Variants in TEX48 observed in about 807,000 individuals in gnomAD.
TEX48 encodes the protein testis expressed 48.
Under a neutral mutation model 13.2 loss-of-function variants are expected in TEX48, and 10 were observed. That is an observed-to-expected ratio of 0.75 (90% confidence interval 0.47 to 1.28). TEX48 has a LOEUF of 1.28. Among genes scored for constraint, TEX48 ranks in the 50% most tolerant of loss-of-function variants. TEX48 has a pLI of 0.00. For synonymous variants in TEX48, 45 were observed against 52.3 expected (o/e 0.86, Z 0.60); for missense variants, 116 against 139.4 (o/e 0.83, Z 0.84).
chr9:114,679,920 A>T (rs1341739046), intron 1 of TEX48, among the ~76,000 whole-genome samples: 1 of 152,092 alleles, frequency 6.6e-6, no homozygotes, highest in Non-Finnish European at 1.5e-5. Context: ...GTTTTATTTT[A>T]GCTAATTAGG....
chr9:114,668,601 A>T (rs1475926147), intron 3 of TEX48, among the ~76,000 whole-genome samples: 1 of 152,206 alleles, frequency 6.6e-6, no homozygotes, highest in Non-Finnish European at 1.5e-5. Flanking sequence ...CATGCATAGA[A>T]TGTGTAATGA....
chr9:114,674,839 ATTCT>A (rs1480080665), intron 1 of TEX48, among the ~76,000 whole-genome samples: 2 of 105,392 alleles, frequency 1.9e-5, no homozygotes, highest in African/African-American at 8.1e-5. Flanking sequence ...TGTCCAGCAA[ATTCT>A]TTTTTTTTTT....
At chr9:114,667,730 T>C (rs116003220) in intron 4 of TEX48, among the ~76,000 whole-genome samples, 19,593 of 151,910 alleles carry the variant, frequency 0.13, 1,463 homozygotes, top group South Asian at 0.25. Context: ...GAAACCCTTT[T>C]TCTACTAAGA....
At chr9:114,674,652 TC>T (rs772156985) in intron 1 of TEX48, among the ~76,000 whole-genome samples, 12,228 of 113,380 alleles carry the variant, frequency 0.11, 1,443 homozygotes, top group African/African-American at 0.17. Flanking sequence ...CTTCCTTCCT[TC>T]CTTCCTTCCT....
chr9:114,666,543 T>C lies in TEX48; in HGVS notation c.*100A>G, dbSNP rs1827844596. 1.5e-6 allele frequency: 1 copy of C among 661,564 alleles called. No homozygotes were observed. The highest frequency in any genetic ancestry group is 2.0e-5 in the South Asian group (1 of 50,652). 41.0% of individuals were successfully genotyped at this position (661,564 alleles called of 1,614,324 possible). ...CAAGGATGGCTCAGATGTCTTCTCC[T>C]CCTTCAGGGGAGTTTCCGAATTAGT... On this transcript the variant is annotated 3_prime_UTR_variant, in exon 5 of 5. Transcript: ENST00000436752.
chr9:114,680,514 A>G (rs1221222901), intron 1 of TEX48, among the ~76,000 whole-genome samples: 6 of 152,188 alleles, frequency 3.9e-5, no homozygotes, highest in Admixed American at 3.9e-4. Context: ...AAATGGTGAA[A>G]CAAATGATTC....
chr9:114,673,661 T>C (rs1310601049), intron 1 of TEX48, among the ~76,000 whole-genome samples: 1 of 151,936 alleles, frequency 6.6e-6, no homozygotes, highest in Non-Finnish European at 1.5e-5. Flanking sequence ...CATTATAAGA[T>C]AAACAAAAAT....
intron 1 of TEX48, among the ~76,000 whole-genome samples, chr9:114,680,003 G>A (rs916555695): frequency 7.2e-5 from 11 of 151,956 alleles, no homozygotes; most frequent in Non-Finnish European, 1.5e-4. Context: ...CTATAGCTAA[G>A]CCCAAAGAAA....
At chr9:114,679,475 C>T (rs1054428411) in intron 1 of TEX48, among the ~76,000 whole-genome samples, 3 of 152,024 alleles carry the variant, frequency 2.0e-5, no homozygotes, top group Non-Finnish European at 1.5e-5. Context: ...CTGAGGAGAA[C>T]TTTGCACTTA....
Position 114,666,615 on chromosome 9 carries a change from G to A in TEX48, c.*28C>T, listed in dbSNP as rs972548176. The A allele has an allele frequency of 2.0e-4, 266 of 1,327,578 alleles. 1 individual carries two copies. The highest frequency in any genetic ancestry group is 6.5e-5 in the South Asian group (5 of 77,356). 82.2% of individuals were successfully genotyped at this position (1,327,578 alleles called of 1,614,324 possible). A position where few individuals can be genotyped will look rare whatever the true frequency, so the allele number is the denominator to read the frequency against. On this transcript the variant is annotated 3_prime_UTR_variant, in exon 5 of 5. Transcript: ENST00000436752. ...CCCTCTTCCTCATGGAGATGCCCCA[G>A]CAGCTGTGCAGCCGCCGGCTAGAAT... is the stretch of plus-strand genomic sequence containing the variant.
chr9:114,681,219 G>A (rs955942381), intron 1 of TEX48, among the ~76,000 whole-genome samples: 1 of 151,920 alleles, frequency 6.6e-6, no homozygotes, highest in Non-Finnish European at 1.5e-5. Flanking sequence ...GCAGCGATCT[G>A]AAGCGCAGGT....
chr9:114,666,589 G>T lies in TEX48; in HGVS notation c.*54C>A. 1 of 1,019,948 alleles carries T rather than the reference G, an allele frequency of 9.8e-7. No homozygotes were observed. The highest frequency in any genetic ancestry group is 1.4e-6 in the Non-Finnish European group (1 of 702,912). The allele number at this position is 1,019,948 out of a possible 1,614,324, so 63.2% of individuals were successfully genotyped here. On this transcript the variant is annotated 3_prime_UTR_variant, in exon 5 of 5. Coordinates refer to ENST00000436752, the MANE Select transcript of TEX48 (RefSeq NM_001199233.2). The stretch of plus-strand genomic sequence containing the variant: ...TTAGTCTTCATGACTCCTGTCCACC[G>T]CCCTCTTCCTCATGGAGATGCCCCA...
intron 1 of TEX48, 30 bp from the exon 2 acceptor site, chr9:114,671,857 A>T: frequency 1.0e-6 from 1 of 974,372 alleles, no homozygotes; most frequent in Non-Finnish European, 1.6e-6. Context: ...TGGCTGAAAA[A>T]TGCTAGTCCT....
intron 1 of TEX48, among the ~76,000 whole-genome samples, chr9:114,675,680 C>G (rs1039097656): frequency 6.6e-6 from 1 of 152,214 alleles, no homozygotes; most frequent in South Asian, 2.1e-4. Context: ...AATCCTATCT[C>G]TCTTCTGCCC....
At chr9:114,667,301 G>T (rs1233427371) in intron 4 of TEX48, among the ~76,000 whole-genome samples, 3 of 152,196 alleles carry the variant, frequency 2.0e-5, no homozygotes, top group African/African-American at 7.2e-5. Context: ...TCCTGGGGTG[G>T]TTGTGAGTTA....
intron 1 of TEX48, among the ~76,000 whole-genome samples, chr9:114,674,669 CT>C (rs1828028690): frequency 7.2e-6 from 1 of 138,030 alleles, no homozygotes; most frequent in Non-Finnish European, 1.5e-5. Context: ...TTCCTTCCTT[CT>C]TTCCTTCTCT....
chr9:114,668,217 C>T lies in TEX48; in HGVS notation c.248G>A (p.Ser83Asn), dbSNP rs1043545448. The T allele has an allele frequency of 1.6e-5, 24 of 1,535,574 alleles. No individual in the cohort carries two copies. In the African/African-American group the frequency reaches 2.9e-4, roughly 18 times the overall value. ...QTKKSTSSSS[S>N]EFEDLNAYAS... ...AATTTGGGACTCACCCTCAAACTCA[C>T]TGCTGCTGGAGGAAGTGCTCTTTTT... Residue 83 changes from serine (S) to asparagine (N), a missense_variant, in exon 4 of 5, where the codon AGT (serine) becomes AAT (asparagine). Transcript: ENST00000436752.
chr9:114,671,326 GA>G, intron 3 of TEX48, 56 bp downstream of exon 3: 1 of 1,523,070 alleles, frequency 6.6e-7, no homozygotes, highest in South Asian at 1.2e-5. Flanking sequence ...AGCAGGCAGA[GA>G]GTGAGCAAAG....
At chr9:114,667,696 C>G (rs1370367733) in intron 4 of TEX48, among the ~76,000 whole-genome samples, 1 of 152,010 alleles carries the variant, frequency 6.6e-6, no homozygotes. Flanking sequence ...GTCAGGAGTT[C>G]GTGACCAGCC....
Sources: gnomAD v4.1 joint callset for allele counts (sites outside exome capture counted in the v4.1 genomes callset) on GRCh38, gnomAD v4.1.1 for gene constraint, MANE v1.5 for transcripts, NCBI Gene and HGNC (gene_info 2026-07-23, HGNC 2026-07-21) for gene names.